SGCZ: variants seen among roughly 807,000 people sequenced by gnomAD.
The protein encoded by SGCZ is sarcoglycan zeta.
A neutral mutation model predicts 41.3 loss-of-function variants in SGCZ; 40 were observed. The ratio of observed to expected loss-of-function variants is 0.97; its 90% CI spans 0.75 to 1.26. The LOEUF (loss-of-function observed/expected upper bound fraction) is 1.26. Among genes scored for constraint, SGCZ ranks in the 50% most tolerant of loss-of-function variants. The pLI, the probability that SGCZ is intolerant of heterozygous loss-of-function variation, is 0.00. For synonymous variants in SGCZ, 206 were observed against 137.5 expected, an observed-to-expected ratio of 1.50 and a Z score of -3.49; for missense variants, 552 against 369.8, an observed-to-expected ratio of 1.49 and a Z score of -4.04.
At chr8:14,748,591 AAAT>A (rs1408224862) in intron 1 of SGCZ, among the ~76,000 whole-genome samples, 6 of 152,210 alleles carry the variant, frequency 3.9e-5, no homozygotes, top group Non-Finnish European at 8.8e-5. Context: ...TCTGCCAGAA[AAAT>A]ATATAACGGA....
chr8:14,951,385 T>C (rs1406500939), intron 1 of SGCZ, among the ~76,000 whole-genome samples: 1 of 152,048 alleles, frequency 6.6e-6, no homozygotes, highest in Non-Finnish European at 1.5e-5. Flanking sequence ...CTATAGTGCA[T>C]GTCAAATTCG....
At chr8:14,333,489 C>T (rs1239971389) in intron 2 of SGCZ, among the ~76,000 whole-genome samples, 1 of 151,702 alleles carries the variant, frequency 6.6e-6, no homozygotes, top group Non-Finnish European at 1.5e-5. Flanking sequence ...CCCAACTGTG[C>T]TTAATAGAAT....
At chr8:14,220,563 G>T (rs915444132) in intron 4 of SGCZ, among the ~76,000 whole-genome samples, 3 of 151,784 alleles carry the variant, frequency 2.0e-5, no homozygotes, top group Non-Finnish European at 4.4e-5. Flanking sequence ...CTGTGTATGT[G>T]TTATAAGATA....
chr8:14,411,784 G>T (rs1799367426), intron 2 of SGCZ, among the ~76,000 whole-genome samples: 1 of 152,026 alleles, frequency 6.6e-6, no homozygotes, highest in Non-Finnish European at 1.5e-5. Flanking sequence ...AAAACTCACT[G>T]ACATGTTTCA....
At chr8:14,459,488 C>A (rs969109032) in intron 2 of SGCZ, among the ~76,000 whole-genome samples, 4 of 151,770 alleles carry the variant, frequency 2.6e-5, no homozygotes, top group East Asian at 3.9e-4. Flanking sequence ...AAGGGAGATA[C>A]GAAAATCAAG....
chr8:14,730,110 A>G (rs1299594194), intron 1 of SGCZ, among the ~76,000 whole-genome samples: 1 of 152,132 alleles, frequency 6.6e-6, no homozygotes, highest in Non-Finnish European at 1.5e-5. Context: ...CAAAAAAACC[A>G]TAGTAACTTT....
intron 1 of SGCZ, among the ~76,000 whole-genome samples, chr8:14,806,071 A>G (rs1284756019): frequency 6.6e-6 from 1 of 151,790 alleles, no homozygotes; most frequent in Admixed American, 6.6e-5. Flanking sequence ...TCTGGGACGC[A>G]TTCAAAGCAG....
At chr8:14,376,345 A>T (rs187439553) in intron 2 of SGCZ, among the ~76,000 whole-genome samples, 268 of 152,172 alleles carry the variant, frequency 1.8e-3, no homozygotes, top group African/African-American at 5.3e-3. Flanking sequence ...TAAAATAAAA[A>T]AAATACAATG....
At position 14,111,593 on chromosome 8, in the gene SGCZ, G is replaced by C. The variant is rs78187727; in HGVS notation, c.548-3358C>G. ...AAGGGTACAATGTTCAACACTGCTT[G>C]ATTATAAAATCCTACAAAGGATGTT... On this transcript the variant is annotated intron_variant, in intron 5 of 7. Transcript: ENST00000382080. 9.7e-3 allele frequency among the ~76,000 whole-genome samples: 1,474 copies of C among 152,276 alleles called. 22 individuals are homozygous for C. Among genetic ancestry groups the C allele is most frequent in the African/African-American group, 0.033 (1,374 of 41,548 alleles).
Position 14,975,776 on chromosome 8 carries a change from C to CT in SGCZ, c.39+261808dup, listed in dbSNP as rs1295032195. Among the ~76,000 whole-genome samples the CT allele has an allele frequency of 4.2e-5, 5 of 117,754 alleles. No homozygotes were observed. In the East Asian group the frequency reaches 1.3e-3, roughly 31 times the overall value. The allele number at this position is 117,754 out of a possible 152,430, so 77.3% of individuals were successfully genotyped here. On this transcript the variant is annotated intron_variant, in intron 1 of 7. Coordinates refer to ENST00000382080, the MANE Select transcript of SGCZ (RefSeq NM_139167.4). ...TGACAATATAATATCTGTAACTCCACTTTTTTCCACTTTTATATATATATA... is the reference window on the plus strand; with the variant it reads ...TGACAATATAATATCTGTAACTCCACTTTTTTTCCACTTTTATATATATATA...
At chr8:14,202,394 T>C (rs1362543566) in intron 4 of SGCZ, among the ~76,000 whole-genome samples, 1 of 152,108 alleles carries the variant, frequency 6.6e-6, no homozygotes, top group Non-Finnish European at 1.5e-5. Context: ...TGCATAATAA[T>C]TTTGTGGTGG....
At chr8:14,222,830 T>TTTTTTG (rs2117126191) in intron 4 of SGCZ, among the ~76,000 whole-genome samples, 1 of 85,384 alleles carries the variant, frequency 1.2e-5, no homozygotes, top group Non-Finnish European at 2.3e-5. Context: ...TTTTTTTTTT[T>TTTTTTG]GAGGCAGAGT....
chr8:15,138,049 C>A (rs888087110), intron 1 of SGCZ, among the ~76,000 whole-genome samples: 2 of 152,172 alleles, frequency 1.3e-5, no homozygotes, highest in African/African-American at 4.8e-5. Flanking sequence ...CTACCCAAGG[C>A]CATGGGAGTT....
At chr8:14,281,659 C>G (rs999776644) in intron 3 of SGCZ, among the ~76,000 whole-genome samples, 1 of 151,932 alleles carries the variant, frequency 6.6e-6, no homozygotes, top group African/African-American at 2.4e-5. Flanking sequence ...TCTCTTAATA[C>G]AAATATACAT....
intron 2 of SGCZ, among the ~76,000 whole-genome samples, chr8:14,446,954 A>G (rs1241104949): frequency 2.0e-5 from 3 of 152,358 alleles, no homozygotes; most frequent in South Asian, 4.1e-4. Context: ...TATTTTACCA[A>G]AAGATTAACT....
intron 3 of SGCZ, among the ~76,000 whole-genome samples, chr8:14,280,818 T>A (rs574294533): frequency 6.7e-6 from 1 of 148,308 alleles, no homozygotes; most frequent in African/African-American, 2.5e-5. Flanking sequence ...TTTTTTTTAA[T>A]GGACTTATAT....
rs1424537075 is a variant in SGCZ at position 14,614,484 on chromosome 8, T to A, written c.40-59558A>T. Among the ~76,000 whole-genome samples the A allele has an allele frequency of 3.9e-5, 6 of 152,184 alleles. No individual in the cohort carries two copies. The East Asian group carries it at 1.2e-3, about 29-fold the overall frequency. On this transcript the variant is annotated intron_variant, in intron 1 of 7. Transcript: ENST00000382080. ...TATTTTTCTATTTATCTCTATATCA[T>A]TTTATTCAGAAAAATATTTGTAGCC... is the stretch of plus-strand genomic sequence containing the variant.
At chr8:14,783,446 G>GA (rs1800652170) in intron 1 of SGCZ, among the ~76,000 whole-genome samples, 1 of 148,958 alleles carries the variant, frequency 6.7e-6, no homozygotes, top group South Asian at 2.1e-4. Flanking sequence ...AAAAAAAAAA[G>GA]AAGGAAAGAA....
chr8:14,609,922 T>C (rs1296404698), intron 1 of SGCZ, among the ~76,000 whole-genome samples: 1 of 152,222 alleles, frequency 6.6e-6, no homozygotes, highest in Non-Finnish European at 1.5e-5. Flanking sequence ...CTAATTTGTT[T>C]AATGAGTCAG....
Sources: gnomAD v4.1 joint callset for allele counts (sites outside exome capture counted in the v4.1 genomes callset) on GRCh38, gnomAD v4.1.1 for gene constraint, MANE v1.5 for transcripts, NCBI Gene and HGNC (gene_info 2026-07-23, HGNC 2026-07-21) for gene names.